The following STK39 variants were observed in gnomAD, a reference collection of about 807,000 sequenced individuals.
STK39 encodes the protein STE20/SPS1-related proline-alanine-rich protein kinase.
In STK39, 20 loss-of-function variants were observed where a neutral mutation model predicts 77.8. The ratio of observed to expected loss-of-function variants is 0.26; its 90% CI spans 0.18 to 0.37. The LOEUF is 0.37. Ranked by LOEUF, STK39 falls within the 10% of genes least tolerant of loss-of-function variation. The pLI, the probability that STK39 is intolerant of heterozygous loss-of-function variation, is 1.00. For missense variants in STK39, 479 were observed against 656.5 expected (o/e 0.73, Z 2.95); for synonymous variants, 246 against 234.1 (o/e 1.05, Z -0.47).
At chr2:168,125,428 T>G (rs982325869) in intron 10 of STK39, among the ~76,000 whole-genome samples, 8 of 152,180 alleles carry the variant, frequency 5.3e-5, no homozygotes, top group African/African-American at 1.9e-4. Context: ...TTTATTCTCA[T>G]GCACAAAGAT....
chr2:168,198,038 C>A (rs374012328), intron 1 of STK39, among the ~76,000 whole-genome samples: 86 of 124,334 alleles, frequency 6.9e-4, no homozygotes, highest in South Asian at 7.5e-4. Context: ...AACTCGGTCT[C>A]AAAAAAAAAA....
chr2:167,962,466 G>A (rs774657940), intron 17 of STK39, among the ~76,000 whole-genome samples: 1 of 152,178 alleles, frequency 6.6e-6, no homozygotes, highest in Non-Finnish European at 1.5e-5. Context: ...TTAAGTGACA[G>A]AAATAAGGTC....
chr2:168,063,475 C>A, intron 14 of STK39, 25 bp downstream of exon 14: 1 of 1,589,314 alleles, frequency 6.3e-7, no homozygotes, highest in Non-Finnish European at 8.6e-7. Flanking sequence ...AAAAACAATG[C>A]AGAATAAACA....
At chr2:168,041,859 T>G (rs371153972) in intron 14 of STK39, among the ~76,000 whole-genome samples, 1 of 152,064 alleles carries the variant, frequency 6.6e-6, no homozygotes, top group Non-Finnish European at 1.5e-5. Flanking sequence ...TTCTAAGGAG[T>G]GTCAATCTAA....
At chr2:168,006,267 G>A (rs1684131257) in intron 16 of STK39, among the ~76,000 whole-genome samples, 2 of 152,124 alleles carry the variant, frequency 1.3e-5, no homozygotes, top group South Asian at 4.1e-4. Context: ...TGTAGGAGTC[G>A]GTAAGCAGGC....
intron 1 of STK39, among the ~76,000 whole-genome samples, chr2:168,182,941 G>A (rs1689120149): frequency 6.6e-6 from 1 of 152,148 alleles, no homozygotes; most frequent in Non-Finnish European, 1.5e-5. Context: ...ACTCAGGATT[G>A]TGCAAAGGTG....
intron 10 of STK39, among the ~76,000 whole-genome samples, chr2:168,127,971 C>T (rs892463249): frequency 6.6e-6 from 1 of 151,948 alleles, no homozygotes; most frequent in Non-Finnish European, 1.5e-5. Flanking sequence ...GGCTGGGGGG[C>T]TCGGAAAGAA....
rs78153688 is a variant in STK39 at position 168,148,538 on chromosome 2, G to A, written c.629-7780C>T. 1.5e-3 allele frequency among the ~76,000 whole-genome samples: 229 copies of A among 152,338 alleles called. 1 individual carries two copies. The highest frequency in any genetic ancestry group is 5.2e-3 in the African/African-American group (215 of 41,586). The stretch of plus-strand genomic sequence containing the variant: ...AGCATAGCTCAGAGCAAGAAGAAGA[G>A]CAGAAAGCTCAGCAGGACAAGTCAA... On this transcript the variant is annotated intron_variant, in intron 5 of 17. Coordinates refer to ENST00000355999, the MANE Select transcript of STK39 (RefSeq NM_013233.3).
chr2:168,108,576 A>G (rs1324287291), intron 10 of STK39, among the ~76,000 whole-genome samples: 4 of 151,968 alleles, frequency 2.6e-5, no homozygotes, highest in East Asian at 3.9e-4. Context: ...GAAAATAAAA[A>G]AAAAAAGAAA....
intron 5 of STK39, among the ~76,000 whole-genome samples, chr2:168,146,125 C>G (rs1172882553): frequency 6.6e-6 from 1 of 152,214 alleles, no homozygotes. Flanking sequence ...AAAACTGCAT[C>G]TGGAATCTTG....
chr2:167,954,638 T>C lies in STK39; in HGVS notation c.*858A>G, dbSNP rs142655226. On this transcript the variant is annotated 3_prime_UTR_variant, in exon 18 of 18. Coordinates refer to ENST00000355999, the MANE Select transcript of STK39 (RefSeq NM_013233.3). The stretch of plus-strand genomic sequence containing the variant: ...GCAAAACTTAACATATGCCACCTTA[T>C]ATAGAGGAAATTTTAGATCTGAGAC... 3.3e-5 allele frequency: 5 copies of C among 152,726 alleles called. No individual in the cohort carries two copies. The highest frequency in any genetic ancestry group is 1.9e-4 in the East Asian group (1 of 5,188). 9.5% of individuals were successfully genotyped at this position (152,726 alleles called of 1,614,324 possible).
chr2:168,102,913 G>C (rs1386706313), intron 10 of STK39, among the ~76,000 whole-genome samples: 5 of 119,094 alleles, frequency 4.2e-5, no homozygotes, highest in Non-Finnish European at 6.4e-5. Flanking sequence ...CTGGGCGACA[G>C]AGCGAGAATC....
At chr2:168,097,077 T>C (rs1686689516) in intron 10 of STK39, among the ~76,000 whole-genome samples, 1 of 152,182 alleles carries the variant, frequency 6.6e-6, no homozygotes, top group Non-Finnish European at 1.5e-5. Context: ...AGTTGGCAAG[T>C]ACCACCAAGT....
Position 168,054,879 on chromosome 2 carries a change from C to T in STK39, c.1376+8621G>A, listed in dbSNP as rs146608104. On this transcript the variant is annotated intron_variant, in intron 14 of 17. Coordinates refer to ENST00000355999, the MANE Select transcript of STK39 (RefSeq NM_013233.3). Reference sequence around the variant, plus strand: ...TAAACAAAAGGGCTTTCACCTTCCTCTAACTACCCATAGCTTCTTAGTTTT... The same window carrying T: ...TAAACAAAAGGGCTTTCACCTTCCTTTAACTACCCATAGCTTCTTAGTTTT... Among the ~76,000 whole-genome samples the T allele has an allele frequency of 5.1e-3, 779 of 152,318 alleles. 8 individuals are homozygous for T. The highest frequency in any genetic ancestry group is 0.018 in the African/African-American group (738 of 41,574).
intron 14 of STK39, among the ~76,000 whole-genome samples, chr2:168,047,037 G>A (rs2105360726): frequency 6.6e-6 from 1 of 151,772 alleles, no homozygotes; most frequent in East Asian, 1.9e-4. Flanking sequence ...TAAAAAAAAA[G>A]GAAAAAAAGA....
At chr2:168,091,742 C>T (rs1293864753) in intron 10 of STK39, among the ~76,000 whole-genome samples, 1 of 152,080 alleles carries the variant, frequency 6.6e-6, no homozygotes, top group Non-Finnish European at 1.5e-5. Flanking sequence ...GGATAACAAA[C>T]CTCTTTTACT....
At chr2:168,014,171 GC>G (rs1409869355) in intron 15 of STK39, among the ~76,000 whole-genome samples, 1 of 152,168 alleles carries the variant, frequency 6.6e-6, no homozygotes, top group Non-Finnish European at 1.5e-5. Context: ...CTTAGGCTTT[GC>G]CCTTTTTGCC....
chr2:168,169,793 T>C lies in STK39; in HGVS notation c.322-2386A>G, dbSNP rs374466938. On this transcript the variant is annotated intron_variant, in intron 2 of 17. Coordinates refer to ENST00000355999, the MANE Select transcript of STK39 (RefSeq NM_013233.3). ...ATTTAAATGAGTGGGGGATGAGGGGTCACAGATACTGCCACACCAACACAA... is the reference window on the plus strand; with the variant it reads ...ATTTAAATGAGTGGGGGATGAGGGGCCACAGATACTGCCACACCAACACAA... 1.2e-4 allele frequency among the ~76,000 whole-genome samples: 18 copies of C among 151,930 alleles called. No individual in the cohort carries two copies. The East Asian group carries it at 1.5e-3, about 13-fold the overall frequency.
At chr2:168,073,114 A>G (rs1685983242) in intron 12 of STK39, among the ~76,000 whole-genome samples, 1 of 152,220 alleles carries the variant, frequency 6.6e-6, no homozygotes, top group African/African-American at 2.4e-5. Flanking sequence ...GTCAGTACTG[A>G]TGCCTGAAGA....
Sources: allele counts gnomAD v4.1 joint callset (sites outside exome capture counted in the v4.1 genomes callset), GRCh38; gene constraint gnomAD v4.1.1; transcripts MANE v1.5; gene names NCBI Gene and HGNC (gene_info 2026-07-23, HGNC 2026-07-21).